The following IL12RB2 variants were observed in gnomAD, a reference collection of about 807,000 sequenced individuals.
IL12RB2 encodes the protein interleukin 12 receptor subunit beta 2.
Under a neutral mutation model 89.4 loss-of-function variants are expected in IL12RB2, and 82 were observed. The ratio of observed to expected loss-of-function variants is 0.92; its 90% confidence interval spans 0.77 to 1.10. The LOEUF is 1.10. Ranked by LOEUF, IL12RB2 falls within the 50% of genes least tolerant of loss-of-function variation. The probability of loss-of-function intolerance (pLI) is 0.00; values close to 1 mark genes in which losing one functional copy is unlikely to be tolerated. For missense variants in IL12RB2, 963 were observed against 1,031.9 expected, an observed-to-expected ratio of 0.93 and a Z score of 0.92; for synonymous variants, 368 against 370.1, an observed-to-expected ratio of 0.99 and a Z score of 0.07.
chr1:67,390,033 T>G lies in IL12RB2; in HGVS notation c.1951T>G (p.Phe651Val), dbSNP rs1367951035. The change falls in exon 16 of 17, where the codon TTT becomes GTT. Residue 651 changes from phenylalanine (F) to valine (V), a missense_variant. By Grantham distance (50) the Phe-to-Val change is conservative. Coordinates refer to ENST00000674203, the MANE Select transcript of IL12RB2 (RefSeq NM_001374259.2). ...FSTHYFQQKV[F>V]VLLAALRPQW... is the part of the protein sequence containing the mutation. ...CACTGTTTTCTTTATCTATAGGGTG[T>G]TTGTTCTCCTAGCAGCCCTCAGACC... 3 of 1,197,100 alleles carry G rather than the reference T, an allele frequency of 2.5e-6. No homozygotes were observed. The highest frequency in any genetic ancestry group is 2.4e-5 in the South Asian group (2 of 82,774). The allele number at this position is 1,197,100 out of a possible 1,614,324, so 74.2% of individuals were successfully genotyped here.
At chr1:67,321,978 A>G in intron 4 of IL12RB2, 89 bp downstream of exon 4, 1 of 1,087,346 alleles carries the variant, frequency 9.2e-7, no homozygotes. Flanking sequence ...AAACCCAAAT[A>G]CAGGTTAATG....
intron 10 of IL12RB2, among the ~76,000 whole-genome samples, chr1:67,366,452 C>CAAAA (rs11329710): frequency 2.9e-3 from 154 of 53,224 alleles, no homozygotes; most frequent in East Asian, 4.3e-3. Context: ...GACTCCATCT[C>CAAAA]AAAAAAAAAA....
At chr1:67,316,698 C>T (rs895777976) in intron 2 of IL12RB2, among the ~76,000 whole-genome samples, 10 of 152,110 alleles carry the variant, frequency 6.6e-5, no homozygotes, top group South Asian at 6.2e-4. Flanking sequence ...TTGGCAAGCT[C>T]GTTCCTCTGC....
At chr1:67,328,079 T>C (rs1657568695) in intron 5 of IL12RB2, 121 bp from the exon 6 acceptor site, 1 of 786,642 alleles carries the variant, frequency 1.3e-6, no homozygotes, top group Admixed American at 1.9e-5. Context: ...CCCCTAGTCA[T>C]AAGATTGACC....
At chr1:67,380,205 A>T in intron 14 of IL12RB2, 82 bp downstream of exon 14, 1 of 1,453,760 alleles carries the variant, frequency 6.9e-7, no homozygotes, top group Non-Finnish European at 9.6e-7. Context: ...GTATAGAGAT[A>T]ATCAGATTTT....
Position 67,386,510 on chromosome 1 carries a change from C to A in IL12RB2, c.1856-69C>A, listed in dbSNP as rs531127371. ...GTGGGTAAGGCCCAGAGGGCGCATA[C>A]ACCAATCAGGATTTTGAAATGTTCA... On this transcript the variant is annotated intron_variant, in intron 14 of 16. Transcript: ENST00000674203. 40 of 1,079,054 alleles carry A rather than the reference C, an allele frequency of 3.7e-5. No homozygotes were observed. The African/African-American group carries it at 4.3e-4, about 12-fold the overall frequency. The allele number at this position is 1,079,054 out of a possible 1,614,324, so 66.8% of individuals were successfully genotyped here.
intron 10 of IL12RB2, among the ~76,000 whole-genome samples, chr1:67,360,106 G>A (rs1469470537): frequency 1.3e-5 from 2 of 152,030 alleles, no homozygotes; most frequent in Non-Finnish European, 2.9e-5. Flanking sequence ...TTTATCTTAT[G>A]GAGCTTGACC....
intron 10 of IL12RB2, among the ~76,000 whole-genome samples, chr1:67,365,281 G>A (rs972361336): frequency 6.6e-6 from 1 of 151,658 alleles, no homozygotes; most frequent in Non-Finnish European, 1.5e-5. Context: ...TAAGCAAATA[G>A]TAATAATAAG....
At chr1:67,387,414 T>C (rs747878491) in intron 15 of IL12RB2, among the ~76,000 whole-genome samples, 2 of 151,834 alleles carry the variant, frequency 1.3e-5, no homozygotes, top group Admixed American at 1.3e-4. Flanking sequence ...AATTAAATAG[T>C]ATGGCAGGCC....
In IL12RB2 at chr1:67,334,622, GCAC is replaced by G. The variant is rs1658523784; in HGVS notation, c.958+3814_958+3816del. Among the ~76,000 whole-genome samples, 8 of 110,774 alleles carry G rather than the reference GCAC, an allele frequency of 7.2e-5. No homozygotes were observed. The South Asian group carries it at 2.1e-3, about 29-fold the overall frequency. The allele number at this position is 110,774 out of a possible 152,430, so 72.7% of individuals were successfully genotyped here. A position where few individuals can be genotyped will look rare whatever the true frequency, so the allele number is the denominator to read the frequency against. ...GCCTCCCGAGTAGCTGGGACTACAG[GCAC>G]CCCGCCACCACGCCCGGCTAATTTT... is the stretch of plus-strand genomic sequence containing the variant. On this transcript the variant is annotated intron_variant, in intron 8 of 16. Coordinates refer to ENST00000674203, the MANE Select transcript of IL12RB2 (RefSeq NM_001374259.2).
intron 11 of IL12RB2, among the ~76,000 whole-genome samples, chr1:67,371,944 T>A (rs1445586531): frequency 6.6e-6 from 1 of 152,198 alleles, no homozygotes; most frequent in African/African-American, 2.4e-5. Context: ...GCTATTCAGG[T>A]TCTATGCCTG....
At chr1:67,383,368 A>C (rs1271580467) in intron 14 of IL12RB2, among the ~76,000 whole-genome samples, 1 of 152,212 alleles carries the variant, frequency 6.6e-6, no homozygotes, top group Non-Finnish European at 1.5e-5. Flanking sequence ...GGACACAGCC[A>C]AACCATATCA....
At chr1:67,313,047 G>A (rs139967380) in intron 1 of IL12RB2, among the ~76,000 whole-genome samples, 91 of 152,342 alleles carry the variant, frequency 6.0e-4, no homozygotes, top group African/African-American at 2.0e-3. Flanking sequence ...CCTGATAGAC[G>A]GGCTTTTGCC....
intron 10 of IL12RB2, among the ~76,000 whole-genome samples, chr1:67,363,063 C>T (rs541028967): frequency 1.5e-4 from 23 of 151,486 alleles, no homozygotes; most frequent in Non-Finnish European, 2.9e-4. Flanking sequence ...CCACCACACC[C>T]GGTTAATTTT....
chr1:67,375,693 A>G (rs1663885885), intron 13 of IL12RB2, among the ~76,000 whole-genome samples: 1 of 152,060 alleles, frequency 6.6e-6, no homozygotes, highest in Non-Finnish European at 1.5e-5. Context: ...TTGGCAGAGG[A>G]GGGTAAGGTG....
rs1323734279 is a variant in IL12RB2 at position 67,398,157 on chromosome 1, A to G, written c.*2068A>G. On this transcript the variant is annotated 3_prime_UTR_variant, in exon 17 of 17. Coordinates refer to ENST00000674203, the MANE Select transcript of IL12RB2 (RefSeq NM_001374259.2). The stretch of plus-strand genomic sequence containing the variant: ...CACCCCCAATGGTTCCTTTCCTCTC[A>G]GCATCGCTGTAGCTTGCCTGTACCC... Among the ~76,000 whole-genome samples, 1 of 152,020 alleles carries G rather than the reference A, an allele frequency of 6.6e-6. No individual in the cohort carries two copies. Among genetic ancestry groups the G allele is most frequent in the Non-Finnish European group, 1.5e-5 (1 of 68,010 alleles).
chr1:67,321,603 T>A lies in IL12RB2; in HGVS notation c.78T>A (p.Asp26Glu). 1.9e-6 allele frequency: 3 copies of A among 1,589,856 alleles called. No individual in the cohort carries two copies. Among genetic ancestry groups the A allele is most frequent in the Non-Finnish European group, 2.6e-6 (3 of 1,158,366 alleles). ...TATTGCATCTGTATCTTATTGCAGA[T>A]GCGTGCAAGAGAGGCGATGTGACTG... ...ITWLLIKAKI[D>E]ACKRGDVTVK... The change falls in exon 4 of 17, where the codon GAT becomes GAA. Residue 26 changes from aspartate (D) to glutamate (E), a missense_variant and splice_region_variant. Coordinates refer to ENST00000674203, the MANE Select transcript of IL12RB2 (RefSeq NM_001374259.2).
At chr1:67,394,343 A>C (rs1240909645) in intron 16 of IL12RB2, among the ~76,000 whole-genome samples, 1 of 152,064 alleles carries the variant, frequency 6.6e-6, no homozygotes, top group Non-Finnish European at 1.5e-5. Context: ...AGAGACCCCA[A>C]TTAAAGCCCA....
chr1:67,341,546 A>AGAGAAT (rs1659586022), intron 9 of IL12RB2, among the ~76,000 whole-genome samples: 1 of 91,962 alleles, frequency 1.1e-5, no homozygotes, highest in Non-Finnish European at 2.0e-5. Flanking sequence ...AAAGAAAGAA[A>AGAGAAT]GAAAGAAAGA....
Sources: allele counts gnomAD v4.1 joint callset (sites outside exome capture counted in the v4.1 genomes callset), GRCh38; gene constraint gnomAD v4.1.1; transcripts MANE v1.5; gene names NCBI Gene and HGNC (gene_info 2026-07-23, HGNC 2026-07-21).